The following ABLIM1 variants were observed in gnomAD, a reference collection of about 807,000 sequenced individuals.
ABLIM1 encodes actin binding LIM protein 1.
A neutral mutation model predicts 107.0 loss-of-function variants in ABLIM1; 40 were observed. That is an observed-to-expected ratio of 0.37 (90% confidence interval 0.29 to 0.49). ABLIM1 has a LOEUF of 0.49. Ranked by LOEUF, ABLIM1 falls within the 20% of genes least tolerant of loss-of-function variation. ABLIM1 has a pLI of 0.97. For synonymous variants in ABLIM1, 357 were observed against 357.3 expected (o/e 1.00, Z 0.01); for missense variants, 857 against 1,008.5 (o/e 0.85, Z 2.04).
At chr10:114,698,401 A>G (rs2081239363) in intron 1 of ABLIM1, among the ~76,000 whole-genome samples, 1 of 149,778 alleles carries the variant, frequency 6.7e-6, no homozygotes. Flanking sequence ...AAAGGAGATT[A>G]AAAATGTAAA....
the ABLIM1 span, among the ~76,000 whole-genome samples, chr10:114,773,194 A>G: frequency 6.6e-6 from 1 of 152,176 alleles, no homozygotes; most frequent in Non-Finnish European, 1.5e-5. Flanking sequence ...TATAAAATAC[A>G]TATATCAATA....
Position 114,432,228 on chromosome 10 carries a change from A to C in ABLIM1, c.*4032T>G, listed in dbSNP as rs879723427. On this transcript the variant is annotated 3_prime_UTR_variant, in exon 23 of 23. Transcript: ENST00000533213. Reference sequence around the variant, plus strand: ...AAAATCAAATAAAATTGAGGCTGGCATAGGAAGTACAGATTAAATACAGGT... The same window carrying C: ...AAAATCAAATAAAATTGAGGCTGGCCTAGGAAGTACAGATTAAATACAGGT... 1.3e-5 allele frequency: 2 copies of C among 152,242 alleles called. No individual in the cohort carries two copies. Among genetic ancestry groups the C allele is most frequent in the Non-Finnish European group, 2.9e-5 (2 of 68,040 alleles). The allele number at this position is 152,242 out of a possible 1,614,324, so 9.4% of individuals were successfully genotyped here. A position where few individuals can be genotyped will look rare whatever the true frequency, so the allele number is the denominator to read the frequency against.
chr10:114,686,754 G>C (rs377267393), upstream of ABLIM1, among the ~76,000 whole-genome samples: 9 of 151,158 alleles, frequency 6.0e-5, no homozygotes, highest in African/African-American at 2.2e-4. Context: ...TCAGCCTCCC[G>C]AGTAGCTGGG....
At position 114,722,578 on chromosome 10, in the gene ABLIM1, A is replaced by C. The variant is rs149912505; in HGVS notation, c.-213+45483T>G. Among the ~76,000 whole-genome samples, 1,030 of 152,366 alleles carry C rather than the reference A, an allele frequency of 6.8e-3. 7 individuals are homozygous for C. Among genetic ancestry groups the C allele is most frequent in the South Asian group, 0.03 (145 of 4,824 alleles). On this transcript the variant is annotated intron_variant, in intron 1 of 15. Coordinates refer to the ABLIM1 transcript ENST00000651092. Reference sequence around the variant, plus strand: ...TCTTCATTTGCCCTGTTTCCATTTCATATTTACATGTACACACACAAACAC... The same window carrying C: ...TCTTCATTTGCCCTGTTTCCATTTCCTATTTACATGTACACACACAAACAC...
chr10:114,550,093 A>T (rs1456062607), intron 4 of ABLIM1, among the ~76,000 whole-genome samples: 1 of 152,204 alleles, frequency 6.6e-6, no homozygotes, highest in Non-Finnish European at 1.5e-5. Context: ...AGTTCTGAAT[A>T]TTGCAAATTA....
chr10:114,598,739 G>A (rs1253607898), intron 2 of ABLIM1, among the ~76,000 whole-genome samples: 1 of 152,098 alleles, frequency 6.6e-6, no homozygotes, highest in Admixed American at 6.5e-5. Flanking sequence ...TTTAGATAGG[G>A]TTAAATAAAA....
At chr10:114,728,321 T>C (rs1191007935) in intron 1 of ABLIM1, among the ~76,000 whole-genome samples, 6 of 152,074 alleles carry the variant, frequency 3.9e-5, no homozygotes, top group Admixed American at 3.9e-4. Flanking sequence ...TAATATCTAA[T>C]AAAGCAAAGG....
At chr10:114,690,961 T>C (rs2081063851) in intron 1 of ABLIM1, among the ~76,000 whole-genome samples, 1 of 152,234 alleles carries the variant, frequency 6.6e-6, no homozygotes, top group African/African-American at 2.4e-5. Context: ...CAATTACAGG[T>C]GCGAGCCACC....
chr10:114,662,430 G>GC (rs150489515), upstream of ABLIM1, among the ~76,000 whole-genome samples: 9,337 of 152,136 alleles, frequency 0.061, 323 homozygotes, highest in Middle Eastern at 0.085. Context: ...CTCCTGCTCA[G>GC]CAGCGGCTAT....
intron 6 of ABLIM1, among the ~76,000 whole-genome samples, chr10:114,540,446 G>A (rs936538874): frequency 6.6e-6 from 1 of 152,170 alleles, no homozygotes; most frequent in Non-Finnish European, 1.5e-5. Flanking sequence ...CTGAGCCGCT[G>A]GTGCTCGGGC....
chr10:114,468,138 T>G (rs1161034673), intron 11 of ABLIM1, 43 bp downstream of exon 11: 1 of 1,580,876 alleles, frequency 6.3e-7, no homozygotes, highest in Admixed American at 1.7e-5. Context: ...CAAGCAATTC[T>G]CAAATTCCAC....
At chr10:114,571,007 AC>A (rs1460688980) in intron 4 of ABLIM1, among the ~76,000 whole-genome samples, 1 of 151,972 alleles carries the variant, frequency 6.6e-6, no homozygotes, top group Non-Finnish European at 1.5e-5. Flanking sequence ...TTTTCTCCAC[AC>A]CTAGGCTGAT....
chr10:114,734,795 T>C (rs2082146102), intron 1 of ABLIM1, among the ~76,000 whole-genome samples: 1 of 152,206 alleles, frequency 6.6e-6, no homozygotes, highest in East Asian at 1.9e-4. Flanking sequence ...TTGGGTTTCT[T>C]TGGTATGTAT....
chr10:114,470,829 A>G (rs1486787369), intron 10 of ABLIM1, among the ~76,000 whole-genome samples: 1 of 152,100 alleles, frequency 6.6e-6, no homozygotes, highest in Non-Finnish European at 1.5e-5. Context: ...GTGGTTAGTC[A>G]GCATCGGTCT....
chr10:114,614,377 G>A (rs1309708577), intron 1 of ABLIM1, among the ~76,000 whole-genome samples: 6 of 152,022 alleles, frequency 3.9e-5, no homozygotes, highest in African/African-American at 9.7e-5. Flanking sequence ...GCTTGAACCC[G>A]GGAGGCAGAG....
At chr10:114,781,227 G>T in the ABLIM1 span, among the ~76,000 whole-genome samples, 1 of 152,094 alleles carries the variant, frequency 6.6e-6, no homozygotes, top group Non-Finnish European at 1.5e-5. Context: ...TAATGGGCCG[G>T]GTGCAGTGGC....
At chr10:114,691,441 T>C (rs1290054667) in intron 1 of ABLIM1, among the ~76,000 whole-genome samples, 2 of 152,354 alleles carry the variant, frequency 1.3e-5, no homozygotes, top group East Asian at 3.9e-4. Flanking sequence ...TATGTCTCTC[T>C]CCTCTCCCTT....
intron 6 of ABLIM1, chr10:114,502,387 T>G (rs1395460113): frequency 6.6e-6 from 1 of 152,240 alleles, no homozygotes; most frequent in Non-Finnish European, 1.5e-5. Flanking sequence ...AGCCATAAAT[T>G]TTACATGTTA....
chr10:114,690,358 G>A (rs1219603963), intron 1 of ABLIM1: 1 of 1,604,752 alleles, frequency 6.2e-7, no homozygotes, highest in East Asian at 2.2e-5. Flanking sequence ...AAGATGCCAG[G>A]ACCTGTATGC....
Sources: gnomAD v4.1 joint callset for allele counts (sites outside exome capture counted in the v4.1 genomes callset) on GRCh38, gnomAD v4.1.1 for gene constraint, MANE v1.5 for transcripts, NCBI Gene and HGNC (gene_info 2026-07-23, HGNC 2026-07-21) for gene names.